AMPH: variants seen among roughly 807,000 people sequenced by gnomAD.
The protein encoded by AMPH is amphiphysin.
Under a neutral mutation model 99.1 loss-of-function variants are expected in AMPH, and 49 were observed. The ratio of observed to expected loss-of-function variants is 0.49; its 90% CI spans 0.39 to 0.63. The LOEUF (loss-of-function observed/expected upper bound fraction) is 0.63. AMPH is among the 20% of genes least tolerant of loss of function. The pLI is 0.00. For missense variants in AMPH, 759 were observed against 863.4 expected (o/e 0.88, Z 1.52); for synonymous variants, 314 against 317.3 (o/e 0.99, Z 0.11).
At chr7:38,624,296 C>A (rs1185048290) in intron 1 of AMPH, among the ~76,000 whole-genome samples, 2,013 of 152,072 alleles carry the variant, frequency 0.013, 34 homozygotes, top group African/African-American at 0.045. Flanking sequence ...ATATAATAAT[C>A]ACTTGGGACA....
rs374487341 is a variant in AMPH, at chr7:38,426,905, T to G, written c.1215+49A>C. Reference sequence around the variant, plus strand: ...GAGAACCAAACCACATTGAAAAAAATGTGCATCATTCTCAGCAGATGGATC... The same window carrying G: ...GAGAACCAAACCACATTGAAAAAAAGGTGCATCATTCTCAGCAGATGGATC... On this transcript the variant is annotated intron_variant, in intron 15 of 20. Transcript: ENST00000356264. 1.9e-4 allele frequency: 299 copies of G among 1,568,522 alleles called. No individual in the cohort carries two copies. The African/African-American group carries it at 3.6e-3, about 19-fold the overall frequency.
At chr7:38,494,121 T>G (rs867343518) in intron 4 of AMPH, among the ~76,000 whole-genome samples, 1 of 152,084 alleles carries the variant, frequency 6.6e-6, no homozygotes, top group African/African-American at 2.4e-5. Context: ...CATGCCCGGC[T>G]AATTTTTTTG....
intron 7 of AMPH, among the ~76,000 whole-genome samples, chr7:38,473,802 G>C (rs969236610): frequency 1.0e-4 from 13 of 125,032 alleles, no homozygotes; most frequent in African/African-American, 3.8e-4. Flanking sequence ...TTAAAAAAAA[G>C]CCATAGCATC....
intron 1 of AMPH, among the ~76,000 whole-genome samples, chr7:38,622,934 G>A (rs144762077): frequency 0.01 from 1,538 of 152,234 alleles, 29 homozygotes; most frequent in African/African-American, 0.035. Flanking sequence ...TGAGGGCACC[G>A]TACTGTGCTC....
chr7:38,470,181 C>T (rs1160190016), intron 7 of AMPH, among the ~76,000 whole-genome samples: 1 of 152,096 alleles, frequency 6.6e-6, no homozygotes, highest in East Asian at 1.9e-4. Context: ...CCACCTTTAC[C>T]ACAACTATGC....
intron 11 of AMPH, among the ~76,000 whole-genome samples, chr7:38,437,790 C>T (rs1159687435): frequency 6.6e-6 from 1 of 151,466 alleles, no homozygotes; most frequent in Admixed American, 6.6e-5. Context: ...GGTGATGGAC[C>T]AAGGCTCCAT....
At chr7:38,407,484 AG>A (rs1222237504) in intron 17 of AMPH, among the ~76,000 whole-genome samples, 5 of 151,996 alleles carry the variant, frequency 3.3e-5, no homozygotes, top group African/African-American at 1.2e-4. Context: ...AGGAGGCTGA[AG>A]GTTGGAAAAT....
At chr7:38,463,797 G>A (rs561872085) in intron 9 of AMPH, among the ~76,000 whole-genome samples, 9 of 152,184 alleles carry the variant, frequency 5.9e-5, no homozygotes, top group Admixed American at 1.3e-4. Flanking sequence ...CCTGGCATGC[G>A]GCCAGACGCT....
At chr7:38,444,180 G>C (rs1245027071) in intron 11 of AMPH, among the ~76,000 whole-genome samples, 1 of 152,086 alleles carries the variant, frequency 6.6e-6, no homozygotes, top group Non-Finnish European at 1.5e-5. Context: ...AATTAGAGAA[G>C]ACCATTAATA....
At chr7:38,550,940 A>G (rs1013093235) in intron 1 of AMPH, among the ~76,000 whole-genome samples, 1 of 152,202 alleles carries the variant, frequency 6.6e-6, no homozygotes, top group Non-Finnish European at 1.5e-5. Context: ...TTAAATTTGA[A>G]TATCTGGCTC....
At chr7:38,484,423 A>C (rs1788410582) in intron 5 of AMPH, among the ~76,000 whole-genome samples, 1 of 152,138 alleles carries the variant, frequency 6.6e-6, no homozygotes, top group Non-Finnish European at 1.5e-5. Flanking sequence ...TTTTAGCAGA[A>C]GCAGGCCAGA....
At chr7:38,396,330 G>A (rs1784667873) in intron 17 of AMPH, among the ~76,000 whole-genome samples, 1 of 152,136 alleles carries the variant, frequency 6.6e-6, no homozygotes, top group South Asian at 2.1e-4. Context: ...TTAAAAATGG[G>A]AGTTTCCCTG....
At chr7:38,591,436 C>T (rs28575681) in intron 1 of AMPH, among the ~76,000 whole-genome samples, 3,212 of 151,988 alleles carry the variant, frequency 0.021, 91 homozygotes, top group African/African-American at 0.064. Context: ...TCCAGGCGTG[C>T]GCCACCATGC....
In AMPH at chr7:38,389,815, C is replaced by G; in HGVS notation, c.1969G>C (p.Glu657Gln). Residue 657 changes from glutamate (E) to glutamine (Q), a missense_variant, in exon 20 of 21, where the codon GAA becomes CAA. Coordinates refer to ENST00000356264, the MANE Select transcript of AMPH (RefSeq NM_001635.4). The part of the protein sequence containing the change: ...DVVLVVPSDS[E>Q]ADQDAGWLVG... ...ATCTTTTCTTTTACCTGATCAGCTT[C>G]TGAATCTGAGGGGACCACCAGCACC... 6.2e-7 allele frequency: 1 copy of G among 1,613,716 alleles called. No individual in the cohort carries two copies. Among genetic ancestry groups the G allele is most frequent in the Non-Finnish European group, 8.5e-7 (1 of 1,179,782 alleles).
intron 1 of AMPH, among the ~76,000 whole-genome samples, chr7:38,608,557 C>G (rs928024417): frequency 6.6e-6 from 1 of 152,184 alleles, no homozygotes; most frequent in Non-Finnish European, 1.5e-5. Context: ...TGAAAACCCT[C>G]AGACTTGAAA....
chr7:38,501,054 T>C (rs1046330558), intron 3 of AMPH, among the ~76,000 whole-genome samples: 4 of 152,194 alleles, frequency 2.6e-5, no homozygotes, highest in African/African-American at 9.7e-5. Context: ...ATTGGTCACG[T>C]AGTTCAAAGG....
At chr7:38,476,806 G>A in intron 6 of AMPH, 56 bp downstream of exon 6, 9 of 1,329,164 alleles carry the variant, frequency 6.8e-6, no homozygotes, top group Non-Finnish European at 9.7e-6. Context: ...AAAAAGTAAA[G>A]CTGCAACAGG....
chr7:38,416,126 T>TATA (rs70975100), intron 17 of AMPH, among the ~76,000 whole-genome samples: 11 of 132,330 alleles, frequency 8.3e-5, no homozygotes, highest in South Asian at 4.9e-4. Context: ...TATATATATA[T>TATA]TAGCTATTAC....
At chr7:38,452,492 G>A (rs559994400) in intron 11 of AMPH, among the ~76,000 whole-genome samples, 11 of 152,022 alleles carry the variant, frequency 7.2e-5, no homozygotes, top group Middle Eastern at 6.8e-3. Context: ...CTTATAATAC[G>A]TAGCTCGACC....
Sources: allele counts gnomAD v4.1 joint callset (sites outside exome capture counted in the v4.1 genomes callset), GRCh38; gene constraint gnomAD v4.1.1; transcripts MANE v1.5; gene names NCBI Gene and HGNC (gene_info 2026-07-23, HGNC 2026-07-21).